The following ATM variants were observed in gnomAD, a reference collection of about 807,000 sequenced individuals.
ATM encodes ATM serine/threonine kinase.
A neutral mutation model predicts 387.0 loss-of-function variants in ATM; 308 were observed. The observed-to-expected ratio is 0.80, with a 90% confidence interval of 0.73 to 0.87. The LOEUF is 0.87. Among genes scored for constraint, ATM ranks in the 40% least tolerant of loss-of-function variants. The pLI, the probability that ATM is intolerant of heterozygous loss-of-function variation, is 0.00. For synonymous variants in ATM, 1,156 were observed against 1,187.3 expected, an observed-to-expected ratio of 0.97 and a Z score of 0.54; for missense variants, 3,312 against 3,560.9, an observed-to-expected ratio of 0.93 and a Z score of 1.78.
intron 51 of ATM, 72 bp from the exon 52 acceptor site, chr11:108,331,807 T>G: frequency 6.5e-7 from 1 of 1,543,240 alleles, no homozygotes; most frequent in Non-Finnish European, 8.9e-7. Flanking sequence ...CATTTTAATG[T>G]TAAGCAAAAT....
Position 108,327,466 on chromosome 11 carries a change from C to A in ATM, c.6976-179C>A. 7.0e-6 allele frequency: 4 copies of A among 568,044 alleles called. No individual in the cohort carries two copies. The South Asian group carries it at 7.9e-5, about 11-fold the overall frequency. The allele number at this position is 568,044 out of a possible 1,614,324, so 35.2% of individuals were successfully genotyped here. Reference sequence around the variant, plus strand: ...ATAATAATAATAAACAGAGGATGATCATTTCCTACATGGGATTATTAAAAT... The same window carrying A: ...ATAATAATAATAAACAGAGGATGATAATTTCCTACATGGGATTATTAAAAT... On this transcript the variant is annotated intron_variant, in intron 47 of 62. Transcript: ENST00000675843.
At chr11:108,259,949 A>G (rs2080757661) in intron 16 of ATM, among the ~76,000 whole-genome samples, 1 of 151,196 alleles carries the variant, frequency 6.6e-6, no homozygotes, top group Admixed American at 6.6e-5. Context: ...CTGCTGTTAT[A>G]CTTTATTTAT....
chr11:108,281,918 A>G (rs1003624), intron 24 of ATM, among the ~76,000 whole-genome samples: 79,811 of 151,882 alleles, frequency 0.53, 21,781 homozygotes, highest in Middle Eastern at 0.73. Context: ...TATTGTTTGG[A>G]TTTTTCTTAT....
Position 108,263,667 on chromosome 11 carries a change from C to G in ATM, c.2467-3504C>G, listed in dbSNP as rs1029369927. Among the ~76,000 whole-genome samples the G allele has an allele frequency of 1.3e-4, 19 of 149,130 alleles. No homozygotes were observed. In the East Asian group the frequency reaches 1.4e-3, roughly 11 times the overall value. On this transcript the variant is annotated intron_variant, in intron 16 of 62. Transcript: ENST00000675843. Reference sequence around the variant, plus strand: ...GAAGGAAATAGAGACACAAAAAACCCTTCAAAAAATTAATGAATCCAGGAG... The same window carrying G: ...GAAGGAAATAGAGACACAAAAAACCGTTCAAAAAATTAATGAATCCAGGAG...
chr11:108,308,990 G>A, intron 38 of ATM: 6 of 1,525,218 alleles, frequency 3.9e-6, no homozygotes, highest in Non-Finnish European at 8.8e-7. Context: ...GGGTAGAATG[G>A]TGTTGACATT....
At chr11:108,232,692 G>A (rs560349176) in intron 4 of ATM, among the ~76,000 whole-genome samples, 7 of 151,114 alleles carry the variant, frequency 4.6e-5, no homozygotes, top group Non-Finnish European at 8.9e-5. Context: ...GGCACACGCC[G>A]CCAGGCCCGG....
At position 108,261,088 on chromosome 11, in the gene ATM, A is replaced by C. The variant is rs367621790; in HGVS notation, c.2466+2013A>C. Reference sequence around the variant, plus strand: ...GGATGCCTGCCATTGCCCAGGCTTGATTAGGTAAACAAAGCAGCCGGGAAG... The same window carrying C: ...GGATGCCTGCCATTGCCCAGGCTTGCTTAGGTAAACAAAGCAGCCGGGAAG... On this transcript the variant is annotated intron_variant, in intron 16 of 62. Coordinates refer to ENST00000675843, the MANE Select transcript of ATM (RefSeq NM_000051.4). 6.6e-4 allele frequency among the ~76,000 whole-genome samples: 100 copies of C among 151,744 alleles called. 2 individuals carry two copies. In the East Asian group the frequency reaches 0.018, roughly 28 times the overall value.
chr11:108,345,487 T>G (rs1045482878), intron 57 of ATM, among the ~76,000 whole-genome samples: 1 of 152,204 alleles, frequency 6.6e-6, no homozygotes, highest in Non-Finnish European at 1.5e-5. Flanking sequence ...ACAGGATTAT[T>G]CAAATTAGAA....
chr11:108,344,037 A>G (rs2087955540), intron 57 of ATM, among the ~76,000 whole-genome samples: 1 of 152,198 alleles, frequency 6.6e-6, no homozygotes, highest in Admixed American at 6.5e-5. Flanking sequence ...AAGTTCAGAG[A>G]ACTTGCCCAA....
chr11:108,301,887 TACTA>T (rs1345004306), intron 35 of ATM, 98 bp downstream of exon 35: 20 of 1,259,642 alleles, frequency 1.6e-5, no homozygotes, highest in Middle Eastern at 2.5e-4. Flanking sequence ...AATAGTATTG[TACTA>T]ACTATTAACC....
At chr11:108,229,796 C>T (rs540958958) in intron 4 of ATM, 1 of 156,162 alleles carries the variant, frequency 6.4e-6, no homozygotes, top group South Asian at 1.9e-4. Context: ...ATCCTCCTGT[C>T]TTGGCTTCCT....
At chr11:108,327,188 CATT>C (rs2085765626) in intron 47 of ATM, among the ~76,000 whole-genome samples, 2 of 152,118 alleles carry the variant, frequency 1.3e-5, no homozygotes, top group Non-Finnish European at 2.9e-5. Context: ...TTAGAGAAAT[CATT>C]ATACCAAAGC....
intron 36 of ATM, among the ~76,000 whole-genome samples, chr11:108,304,219 T>TG (rs1215414446): frequency 6.6e-6 from 1 of 152,230 alleles, no homozygotes; most frequent in African/African-American, 2.4e-5. Context: ...ACATGACTGT[T>TG]GTAGTTCTTC....
At chr11:108,225,022 AAAAC>A (rs1236996273) in intron 1 of ATM, 1 of 152,226 alleles carries the variant, frequency 6.6e-6, no homozygotes, top group Admixed American at 6.5e-5. Context: ...GAAGGTAAGA[AAAAC>A]AAGTTCAAGG....
In ATM at chr11:108,284,475, T is replaced by C. The variant is rs2135710273; in HGVS notation, c.3993+2T>C. 1.2e-6 allele frequency: 2 copies of C among 1,613,814 alleles called. No homozygotes were observed. The highest frequency in any genetic ancestry group is 2.2e-5 in the East Asian group (1 of 44,838). Reference sequence around the variant, plus strand: ...AGTGAAAACTTATTGGGAAAACAGGTATGGCTTCAATTTTTATGTACTTTT... The same window carrying C: ...AGTGAAAACTTATTGGGAAAACAGGCATGGCTTCAATTTTTATGTACTTTT... On this transcript the variant is annotated splice_donor_variant, in intron 26 of 62. Transcript: ENST00000675843. LOFTEE classifies it high-confidence loss of function.
At position 108,266,303 on chromosome 11, in the gene ATM, C is replaced by T. The variant is rs2081234541; in HGVS notation, c.2467-868C>T. Reference sequence around the variant, plus strand: ...TATACACCATGGAATACTATGCAGCCATAAAAAATGATGAGTTCATGTCCT... The same window carrying T: ...TATACACCATGGAATACTATGCAGCTATAAAAAATGATGAGTTCATGTCCT... On this transcript the variant is annotated intron_variant, in intron 16 of 62. Coordinates refer to ENST00000675843, the MANE Select transcript of ATM (RefSeq NM_000051.4). 2.0e-5 allele frequency among the ~76,000 whole-genome samples: 3 copies of T among 151,702 alleles called. No individual in the cohort carries two copies. The South Asian group carries it at 6.3e-4, about 32-fold the overall frequency.
rs564059649 is a variant in ATM at position 108,303,690 on chromosome 11, T to C, written c.5496+661T>C. ...TGAAAGCAATGTAAGAAGCAGTTCT[T>C]ATTTTCTACAGAAAAAGTAGTGACA... On this transcript the variant is annotated intron_variant, in intron 36 of 62. Coordinates refer to ENST00000675843, the MANE Select transcript of ATM (RefSeq NM_000051.4). 7.2e-4 allele frequency among the ~76,000 whole-genome samples: 109 copies of C among 152,298 alleles called. 1 individual carries two copies. Among genetic ancestry groups the C allele is most frequent in the African/African-American group, 2.5e-3 (103 of 41,588 alleles).
intron 33 of ATM, among the ~76,000 whole-genome samples, chr11:108,297,619 CAT>C (rs2135867428): frequency 6.6e-6 from 1 of 152,236 alleles, no homozygotes; most frequent in African/African-American, 2.4e-5. Context: ...TTTCTCAGAA[CAT>C]ATCTGTGTCA....
Position 108,295,002 on chromosome 11 carries a change from C to T in ATM, c.4852C>T (p.Arg1618Ter), listed in dbSNP as rs762083530. 8.1e-6 allele frequency: 13 copies of T among 1,613,780 alleles called. No homozygotes were observed. Among genetic ancestry groups the T allele is most frequent in the South Asian group, 2.2e-5 (2 of 91,074 alleles). ...LTRLEGLKDL[R>*]RQLELHKDQM... Reference sequence around the variant, plus strand: ...AAGACTTGAAGGACTAAAGGATCTTCGAAGACAACTGGAACTACATAAAGA... The same window carrying T: ...AAGACTTGAAGGACTAAAGGATCTTTGAAGACAACTGGAACTACATAAAGA... The change falls in exon 32 of 63, where the codon CGA (arginine) becomes TGA (stop). Residue 1618 changes from arginine to a stop codon, truncating the protein, a stop_gained. Transcript: ENST00000675843. LOFTEE classifies it high-confidence loss of function.
Sources: gnomAD v4.1 joint callset for allele counts (sites outside exome capture counted in the v4.1 genomes callset) on GRCh38, gnomAD v4.1.1 for gene constraint, MANE v1.5 for transcripts, NCBI Gene and HGNC (gene_info 2026-07-23, HGNC 2026-07-21) for gene names.